The following EBF1 variants were observed in gnomAD, a reference collection of about 807,000 sequenced individuals.
EBF1 encodes the protein EBF transcription factor 1, also known as transcription factor COE1.
A neutral mutation model predicts 68.4 loss-of-function variants in EBF1; 10 were observed. That is an observed-to-expected ratio of 0.15 (90% CI 0.09 to 0.25). The LOEUF (loss-of-function observed/expected upper bound fraction) is 0.25, where lower values mean the gene tolerates loss of function less well. Among genes scored for constraint, EBF1 ranks in the 10% least tolerant of loss-of-function variants. The pLI is 1.00. For missense variants in EBF1, 509 were observed against 794.4 expected (o/e 0.64, Z 4.32); for synonymous variants, 298 against 299.8 (o/e 0.99, Z 0.06).
chr5:158,992,913 CTTTCTTTTTTTT>C (rs1760644169), intron 6 of EBF1, among the ~76,000 whole-genome samples: 1 of 81,242 alleles, frequency 1.2e-5, no homozygotes, highest in African/African-American at 4.4e-5. Context: ...CCTGCTGTTT[CTTTCTTTTTTTT>C]TTTTTTTTTT....
At chr5:159,030,521 T>C (rs930675944) in intron 6 of EBF1, among the ~76,000 whole-genome samples, 2 of 152,124 alleles carry the variant, frequency 1.3e-5, no homozygotes, top group African/African-American at 2.4e-5. Context: ...GGAGAAAGCC[T>C]CCTGCAGAGG....
intron 8 of EBF1, among the ~76,000 whole-genome samples, chr5:158,802,134 G>C (rs999012878): frequency 4.6e-5 from 7 of 152,038 alleles, no homozygotes; most frequent in African/African-American, 1.7e-4. Flanking sequence ...GGGCCCTAGG[G>C]CTGCTCTTAT....
rs2127452042 is a variant in EBF1, at chr5:158,697,888, G to A, written c.*1223C>T. ...TTCTTATTTTTAAGAACACTTCCCA[G>A]ATAATGAGAGCAAAAATTCCCATAG... On this transcript the variant is annotated 3_prime_UTR_variant, in exon 16 of 16. Coordinates refer to ENST00000313708, the MANE Select transcript of EBF1 (RefSeq NM_024007.5). 4.8e-6 allele frequency: 1 copy of A among 207,662 alleles called. No individual in the cohort carries two copies. The highest frequency in any genetic ancestry group is 5.9e-5 in the Admixed American group (1 of 16,840). The allele number at this position is 207,662 out of a possible 1,614,324, so 12.9% of individuals were successfully genotyped here.
intron 6 of EBF1, among the ~76,000 whole-genome samples, chr5:158,955,331 A>G (rs1302209173): frequency 2.0e-5 from 3 of 151,924 alleles, no homozygotes; most frequent in South Asian, 2.1e-4. Flanking sequence ...CTAAAAAAAA[A>G]AGAGAGAGAG....
intron 4 of EBF1, among the ~76,000 whole-genome samples, chr5:159,089,750 T>G (rs1306117262): frequency 6.9e-6 from 1 of 144,912 alleles, no homozygotes; most frequent in Non-Finnish European, 1.5e-5. Context: ...AAAGGAAACT[T>G]ATCATCATTA....
intron 15 of EBF1, among the ~76,000 whole-genome samples, chr5:158,705,089 C>T (rs1327500593): frequency 6.6e-6 from 1 of 152,140 alleles, no homozygotes; most frequent in East Asian, 1.9e-4. Flanking sequence ...TCAAGTGATT[C>T]TCCTCCCTCA....
At chr5:159,098,664 TGA>T (rs1783083736) in intron 1 of EBF1, among the ~76,000 whole-genome samples, 1 of 129,644 alleles carries the variant, frequency 7.7e-6, no homozygotes, top group Non-Finnish European at 1.6e-5. Flanking sequence ...GGGAAAGAAA[TGA>T]GAGAAGGAAA....
At chr5:158,878,194 T>C (rs942953092) in intron 6 of EBF1, among the ~76,000 whole-genome samples, 2 of 152,088 alleles carry the variant, frequency 1.3e-5, no homozygotes, top group Non-Finnish European at 2.9e-5. Context: ...ATGAGAATAT[T>C]GACCTGCTTT....
In EBF1 at chr5:159,051,443, C is replaced by A. The variant is rs1260005571; in HGVS notation, c.554+21953G>T. Among the ~76,000 whole-genome samples the A allele has an allele frequency of 1.3e-3, 188 of 139,888 alleles. 1 individual carries two copies. The highest frequency in any genetic ancestry group is 4.3e-3 in the African/African-American group (160 of 37,572). The allele number at this position is 139,888 out of a possible 152,430, so 91.8% of individuals were successfully genotyped here. On this transcript the variant is annotated intron_variant, in intron 6 of 15. Transcript: ENST00000313708. ...CCCGCTCCCGCAGCCCCCCACCCCCCCACCCCGCCGCCCGGCGGCTGACGG... is the reference window on the plus strand; with the variant it reads ...CCCGCTCCCGCAGCCCCCCACCCCCACACCCCGCCGCCCGGCGGCTGACGG...
At chr5:158,941,789 T>A (rs7443323) in intron 6 of EBF1, among the ~76,000 whole-genome samples, 30,822 of 152,036 alleles carry the variant, frequency 0.2, 4,074 homozygotes, top group South Asian at 0.49. Context: ...TGGTGATGAG[T>A]CCAAGGAGTA....
intron 6 of EBF1, among the ~76,000 whole-genome samples, chr5:159,005,737 T>C (rs1361344359): frequency 6.6e-6 from 1 of 152,232 alleles, no homozygotes; most frequent in Non-Finnish European, 1.5e-5. Flanking sequence ...TAATCTTTTA[T>C]GGCAGTGGAC....
chr5:158,844,821 G>A (rs1791099200), intron 6 of EBF1, among the ~76,000 whole-genome samples: 1 of 152,166 alleles, frequency 6.6e-6, no homozygotes, highest in Non-Finnish European at 1.5e-5. Context: ...TCAGGCCAGT[G>A]TAGGACATTA....
chr5:159,039,782 C>A (rs982797653), intron 6 of EBF1, among the ~76,000 whole-genome samples: 1 of 152,182 alleles, frequency 6.6e-6, no homozygotes, highest in Non-Finnish European at 1.5e-5. Flanking sequence ...CACCTAAAAG[C>A]AAGACTTGGG....
At chr5:158,885,915 A>C (rs1799946098) in intron 6 of EBF1, among the ~76,000 whole-genome samples, 1 of 152,208 alleles carries the variant, frequency 6.6e-6, no homozygotes, top group Non-Finnish European at 1.5e-5. Flanking sequence ...TCTGCAAAGT[A>C]CCTGTTGAAA....
chr5:158,798,835 A>T (rs1780051152), intron 8 of EBF1, among the ~76,000 whole-genome samples: 1 of 152,122 alleles, frequency 6.6e-6, no homozygotes, highest in Non-Finnish European at 1.5e-5. Flanking sequence ...TAAAGCCTTA[A>T]AGGAAGTACC....
At chr5:158,966,860 T>G (rs955726465) in intron 6 of EBF1, among the ~76,000 whole-genome samples, 4 of 152,236 alleles carry the variant, frequency 2.6e-5, no homozygotes, top group Non-Finnish European at 2.9e-5. Context: ...CATCTGTATC[T>G]ACAGCCAAGG....
At chr5:158,828,440 G>A (rs936052976) in intron 7 of EBF1, among the ~76,000 whole-genome samples, 1 of 152,150 alleles carries the variant, frequency 6.6e-6, no homozygotes, top group African/African-American at 2.4e-5. Context: ...GAGAAGGTGA[G>A]TATGATTACT....
intron 10 of EBF1, among the ~76,000 whole-genome samples, chr5:158,751,059 T>C (rs1768770954): frequency 6.6e-6 from 1 of 152,014 alleles, no homozygotes; most frequent in African/African-American, 2.4e-5. Context: ...GATATAAAAC[T>C]GTGTGTGTGT....
chr5:159,097,439 A>C, intron 1 of EBF1: 2 of 376,390 alleles, frequency 5.3e-6, no homozygotes, highest in Non-Finnish European at 9.6e-6. Flanking sequence ...CCTGACACGC[A>C]CTGCGTGGGG....
Sources: gnomAD v4.1 joint callset for allele counts (sites outside exome capture counted in the v4.1 genomes callset) on GRCh38, gnomAD v4.1.1 for gene constraint, MANE v1.5 for transcripts, NCBI Gene and HGNC (gene_info 2026-07-23, HGNC 2026-07-21) for gene names.